RFX3: variants seen among roughly 807,000 people sequenced by gnomAD.
The protein encoded by RFX3 is regulatory factor X3.
Under a neutral mutation model 98.6 loss-of-function variants are expected in RFX3, and 14 were observed. The observed-to-expected ratio is 0.14, with a 90% confidence interval of 0.09 to 0.22. The LOEUF (loss-of-function observed/expected upper bound fraction) is 0.22. RFX3 is among the 10% of genes least tolerant of loss of function. The pLI is 1.00. For missense variants in RFX3, 639 were observed against 926.9 expected (o/e 0.69, Z 4.03); for synonymous variants, 383 against 328.4 (o/e 1.17, Z -1.80).
chr9:3,523,762 C>T (rs1357962732), intron 1 of RFX3, among the ~76,000 whole-genome samples: 1 of 151,932 alleles, frequency 6.6e-6, no homozygotes, highest in Non-Finnish European at 1.5e-5. Context: ...TGACACTCAT[C>T]TGAACAGAAA....
intron 1 of RFX3, among the ~76,000 whole-genome samples, chr9:3,440,993 A>T (rs1485497370): frequency 2.6e-5 from 4 of 152,214 alleles, no homozygotes; most frequent in Non-Finnish European, 5.9e-5. Flanking sequence ...AAAGAAGTTT[A>T]ACAAGTATTG....
At chr9:3,278,997 G>C (rs931719052) in intron 7 of RFX3, among the ~76,000 whole-genome samples, 2 of 151,668 alleles carry the variant, frequency 1.3e-5, no homozygotes, top group Non-Finnish European at 2.9e-5. Flanking sequence ...TTTTCAACTG[G>C]GGCCATATCC....
intron 1 of RFX3, among the ~76,000 whole-genome samples, chr9:3,401,086 G>A (rs1841433558): frequency 6.6e-6 from 1 of 152,118 alleles, no homozygotes; most frequent in African/African-American, 2.4e-5. Flanking sequence ...AACAACAACA[G>A]AAAGACATCC....
intron 4 of RFX3, among the ~76,000 whole-genome samples, chr9:3,308,044 GC>G (rs1206485852): frequency 6.6e-6 from 1 of 151,958 alleles, no homozygotes; most frequent in African/African-American, 2.4e-5. Flanking sequence ...AACTTACAAA[GC>G]TTTAGGCTAT....
intron 4 of RFX3, among the ~76,000 whole-genome samples, chr9:3,323,140 A>G (rs1360348972): frequency 6.6e-6 from 1 of 152,214 alleles, no homozygotes; most frequent in Non-Finnish European, 1.5e-5. Flanking sequence ...AAAGACAACA[A>G]CTGGAGTTAC....
intron 1 of RFX3, among the ~76,000 whole-genome samples, chr9:3,454,374 T>C (rs1013100918): frequency 1.4e-4 from 21 of 152,186 alleles, no homozygotes; most frequent in African/African-American, 4.8e-4. Flanking sequence ...CCAAAAGATA[T>C]ATTGAGAATT....
intron 1 of RFX3, among the ~76,000 whole-genome samples, chr9:3,522,977 G>A (rs1024603105): frequency 5.9e-5 from 9 of 152,014 alleles, no homozygotes; most frequent in Non-Finnish European, 1.2e-4. Flanking sequence ...GAGTACTGGA[G>A]GAATAATACA....
intron 1 of RFX3, among the ~76,000 whole-genome samples, chr9:3,431,523 C>T (rs938944690): frequency 6.6e-6 from 1 of 152,048 alleles, no homozygotes; most frequent in African/African-American, 2.4e-5. Context: ...ATGAAAACCC[C>T]GCACTTTTTG....
intron 1 of RFX3, among the ~76,000 whole-genome samples, chr9:3,421,654 C>T (rs1306670401): frequency 6.6e-6 from 1 of 152,182 alleles, no homozygotes; most frequent in African/African-American, 2.4e-5. Context: ...GGTAGTATTA[C>T]TCTGTTTACA....
intron 1 of RFX3, among the ~76,000 whole-genome samples, chr9:3,428,547 T>C (rs1473738807): frequency 6.6e-6 from 1 of 152,202 alleles, no homozygotes; most frequent in Non-Finnish European, 1.5e-5. Flanking sequence ...ATGCTGTCCT[T>C]CATAACCCTT....
At chr9:3,347,373 T>C (rs1834563948) in intron 2 of RFX3, among the ~76,000 whole-genome samples, 1 of 152,010 alleles carries the variant, frequency 6.6e-6, no homozygotes, top group South Asian at 2.1e-4. Flanking sequence ...TCTATTCCAA[T>C]TTAATTTTAA....
intron 2 of RFX3, among the ~76,000 whole-genome samples, chr9:3,362,661 A>G (rs1836591977): frequency 6.6e-6 from 1 of 152,320 alleles, no homozygotes; most frequent in African/African-American, 2.4e-5. Context: ...GTTATGCCTG[A>G]ACTTCTTGAG....
In RFX3 at chr9:3,225,611, G is replaced by A. The variant is rs557176076; in HGVS notation, c.2012-331C>T. 2.0e-5 allele frequency among the ~76,000 whole-genome samples: 3 copies of A among 152,196 alleles called. No individual in the cohort carries two copies. The South Asian group carries it at 6.2e-4, about 32-fold the overall frequency. On this transcript the variant is annotated intron_variant, in intron 16 of 16. Transcript: ENST00000617270. ...GCATAATTTGTGTCATAATAAAATA[G>A]TCACTTTGGTATGTTATGCTGGCTT... is the stretch of plus-strand genomic sequence containing the variant.
At chr9:3,277,128 A>C (rs909201251) in intron 8 of RFX3, among the ~76,000 whole-genome samples, 1 of 152,076 alleles carries the variant, frequency 6.6e-6, no homozygotes, top group Non-Finnish European at 1.5e-5. Context: ...TACGCATAAA[A>C]GTCCTATATA....
At chr9:3,410,733 C>G (rs566143233) in intron 1 of RFX3, among the ~76,000 whole-genome samples, 1 of 152,270 alleles carries the variant, frequency 6.6e-6, no homozygotes, top group Admixed American at 6.5e-5. Context: ...TATTTATCTA[C>G]GCTAAAATGT....
intron 1 of RFX3, among the ~76,000 whole-genome samples, chr9:3,505,336 T>G (rs1279346156): frequency 2.1e-5 from 1 of 47,512 alleles, no homozygotes; most frequent in Middle Eastern, 0.026. Context: ...TTATATTTTA[T>G]ATAAATAAAA....
intron 15 of RFX3, among the ~76,000 whole-genome samples, chr9:3,237,278 A>G (rs1456906380): frequency 6.6e-6 from 1 of 152,174 alleles, no homozygotes. Context: ...TTTGATTACC[A>G]CTTTGGCTAC....
chr9:3,341,146 T>C (rs190553313), intron 3 of RFX3, among the ~76,000 whole-genome samples: 2 of 151,748 alleles, frequency 1.3e-5, no homozygotes, highest in African/African-American at 4.8e-5. Context: ...CAGCAAACTA[T>C]CGCAGGGACA....
chr9:3,270,112 A>C (rs1312879319), intron 11 of RFX3, among the ~76,000 whole-genome samples: 3 of 150,820 alleles, frequency 2.0e-5, no homozygotes, highest in Non-Finnish European at 4.4e-5. Flanking sequence ...GAAAGAAAGA[A>C]AGAAAGAAAG....
Sources: gnomAD v4.1 joint callset for allele counts (sites outside exome capture counted in the v4.1 genomes callset) on GRCh38, gnomAD v4.1.1 for gene constraint, MANE v1.5 for transcripts, NCBI Gene and HGNC (gene_info 2026-07-23, HGNC 2026-07-21) for gene names.